The following ROBO2 variants were observed in gnomAD, a reference collection of about 807,000 sequenced individuals.
ROBO2 encodes roundabout guidance receptor 2, also known as roundabout homolog 2.
In ROBO2, 53 loss-of-function variants were observed where a neutral mutation model predicts 160.8. The observed-to-expected ratio is 0.33, with a 90% CI of 0.26 to 0.41. The LOEUF is 0.41. ROBO2 is among the 10% of genes least tolerant of loss of function. The pLI is 1.00. For synonymous variants in ROBO2, 664 were observed against 611.7 expected (o/e 1.09, Z -1.26); for missense variants, 1,577 against 1,722.4 (o/e 0.92, Z 1.49).
At chr3:77,629,446 A>C (rs2095109461) in intron 23 of ROBO2, 1 of 152,174 alleles carries the variant, frequency 6.6e-6, no homozygotes, top group South Asian at 2.1e-4. Flanking sequence ...AACTATTTTT[A>C]GGCTGGTTAT....
intron 2 of ROBO2, among the ~76,000 whole-genome samples, chr3:77,303,691 T>C (rs1415033921): frequency 1.3e-5 from 2 of 152,086 alleles, no homozygotes; most frequent in Non-Finnish European, 2.9e-5. Flanking sequence ...TCCAATTGTA[T>C]TCATCATTAC....
chr3:77,394,757 T>C (rs1483939973), intron 2 of ROBO2, among the ~76,000 whole-genome samples: 1 of 141,416 alleles, frequency 7.1e-6, no homozygotes, highest in Non-Finnish European at 1.5e-5. Context: ...ATTGTCATCA[T>C]AGCTTTTTTA....
rs74861266 is a variant in ROBO2, at chr3:76,377,923, T to A, written c.109+440321T>A. On this transcript the variant is annotated intron_variant, in intron 2 of 26. Coordinates refer to the ROBO2 transcript ENST00000487694. ...TAGGATTGAACTCAGTGGCATGTAATTTGGTTCCTGAACACTAATGCATTG... is the reference window on the plus strand; with the variant it reads ...TAGGATTGAACTCAGTGGCATGTAAATTGGTTCCTGAACACTAATGCATTG... Among the ~76,000 whole-genome samples the A allele has an allele frequency of 3.3e-3, 500 of 152,240 alleles. 6 individuals carry two copies. Among genetic ancestry groups the A allele is most frequent in the Admixed American group, 0.024 (367 of 15,280 alleles).
At chr3:76,590,582 C>T (rs1293359398) in intron 2 of ROBO2, among the ~76,000 whole-genome samples, 1 of 151,992 alleles carries the variant, frequency 6.6e-6, no homozygotes, top group Non-Finnish European at 1.5e-5. Context: ...TGTTATGTAA[C>T]CAAAGGATAT....
intron 2 of ROBO2, among the ~76,000 whole-genome samples, chr3:76,995,240 G>A (rs1225094691): frequency 2.0e-5 from 3 of 151,948 alleles, no homozygotes; most frequent in African/African-American, 7.3e-5. Flanking sequence ...GAGAATGATG[G>A]TTTCCAGCTT....
At chr3:76,385,922 C>T (rs73118819) in intron 2 of ROBO2, among the ~76,000 whole-genome samples, 2 of 152,058 alleles carry the variant, frequency 1.3e-5, no homozygotes, top group Admixed American at 6.5e-5. Flanking sequence ...CTAAGGCCAA[C>T]AGAAAATAAG....
intron 2 of ROBO2, among the ~76,000 whole-genome samples, chr3:76,268,155 A>G (rs1576179287): frequency 6.6e-6 from 1 of 152,166 alleles, no homozygotes; most frequent in South Asian, 2.1e-4. Context: ...CTGTAGTCTC[A>G]GTTACTCAGG....
intron 17 of ROBO2, 92 bp downstream of exon 18, chr3:77,589,025 T>C (rs1438539516): frequency 1.4e-6 from 2 of 1,465,016 alleles, no homozygotes; most frequent in East Asian, 2.3e-5. Context: ...AAATGAGTGA[T>C]TTGGGCTTAT....
At chr3:75,918,902 T>C (rs1251859737) in intron 1 of ROBO2, among the ~76,000 whole-genome samples, 1 of 152,210 alleles carries the variant, frequency 6.6e-6, no homozygotes, top group Non-Finnish European at 1.5e-5. Context: ...CCTGAGACTT[T>C]GCCAAAGTTG....
At chr3:76,833,619 ATGT>A (rs1366369565) in intron 2 of ROBO2, among the ~76,000 whole-genome samples, 1 of 152,196 alleles carries the variant, frequency 6.6e-6, no homozygotes, top group Non-Finnish European at 1.5e-5. Flanking sequence ...CTAACATAGA[ATGT>A]TGTTATCTGT....
At chr3:77,432,839 C>T (rs2078913850) in intron 2 of ROBO2, among the ~76,000 whole-genome samples, 1 of 152,152 alleles carries the variant, frequency 6.6e-6, no homozygotes, top group Non-Finnish European at 1.5e-5. Context: ...TCTCACAGCA[C>T]CCTCTTGTAT....
chr3:76,331,385 G>A (rs960585575), intron 2 of ROBO2, among the ~76,000 whole-genome samples: 28 of 152,082 alleles, frequency 1.8e-4, no homozygotes, highest in African/African-American at 3.4e-4. Context: ...CCAGTTTATC[G>A]TCTGAAACTG....
chr3:76,857,551 T>A (rs1047486881), intron 2 of ROBO2, among the ~76,000 whole-genome samples: 1 of 152,154 alleles, frequency 6.6e-6, no homozygotes, highest in Non-Finnish European at 1.5e-5. Flanking sequence ...CATATTTTCT[T>A]CACTACCCAA....
At chr3:76,470,828 A>C (rs1006919113) in intron 2 of ROBO2, among the ~76,000 whole-genome samples, 1 of 152,042 alleles carries the variant, frequency 6.6e-6, no homozygotes, top group African/African-American at 2.4e-5. Context: ...CATCAATGGT[A>C]TTTCCTAATC....
At chr3:77,023,380 A>G (rs1025199075) in intron 2 of ROBO2, among the ~76,000 whole-genome samples, 5 of 152,196 alleles carry the variant, frequency 3.3e-5, no homozygotes, top group African/African-American at 7.2e-5. Context: ...ATGAAAACGA[A>G]CTAATACAAT....
chr3:75,916,937 CATA>C (rs1435746320), intron 1 of ROBO2, among the ~76,000 whole-genome samples: 1 of 151,942 alleles, frequency 6.6e-6, no homozygotes, highest in African/African-American at 2.4e-5. Context: ...TATTCACACT[CATA>C]ATGTACATAT....
intron 16 of ROBO2, among the ~76,000 whole-genome samples, chr3:77,582,149 T>C (rs1248527890): frequency 6.6e-6 from 1 of 152,222 alleles, no homozygotes; most frequent in African/African-American, 2.4e-5. Flanking sequence ...TTCTATTAAA[T>C]TGCATATTGT....
At chr3:77,007,410 C>T (rs1431366634) in intron 2 of ROBO2, among the ~76,000 whole-genome samples, 2 of 151,996 alleles carry the variant, frequency 1.3e-5, no homozygotes, top group East Asian at 1.9e-4. Flanking sequence ...CATCCTCATG[C>T]CATACATTAT....
At chr3:76,192,532 A>C (rs4053996) in intron 2 of ROBO2, among the ~76,000 whole-genome samples, 1 of 115,574 alleles carries the variant, frequency 8.7e-6, no homozygotes, top group African/African-American at 3.2e-5. Flanking sequence ...CACCACACAC[A>C]CACACACACA....
Sources: gnomAD v4.1 joint callset for allele counts (sites outside exome capture counted in the v4.1 genomes callset) on GRCh38, gnomAD v4.1.1 for gene constraint, MANE v1.5 for transcripts, NCBI Gene and HGNC (gene_info 2026-07-23, HGNC 2026-07-21) for gene names.